The following SH3GLB2 variants were observed in gnomAD, a reference collection of about 807,000 sequenced individuals.
SH3GLB2 encodes the protein SH3 domain containing GRB2 like, endophilin B2, also known as endophilin-B2.
Under a neutral mutation model 48.0 loss-of-function variants are expected in SH3GLB2, and 24 were observed. The observed-to-expected ratio is 0.50, with a 90% CI of 0.36 to 0.70. The LOEUF (loss-of-function observed/expected upper bound fraction) is 0.70, where lower values mean the gene tolerates loss of function less well. SH3GLB2 is among the 30% of genes least tolerant of loss of function. SH3GLB2 has a pLI of 0.00. For missense variants in SH3GLB2, 425 were observed against 516.0 expected, an observed-to-expected ratio of 0.82 and a Z score of 1.71; for synonymous variants, 227 against 207.6, an observed-to-expected ratio of 1.09 and a Z score of -0.80.
Position 129,015,016 on chromosome 9 carries a change from G to A in SH3GLB2, c.335-112C>T, listed in dbSNP as rs770014489. 2.3e-4 allele frequency: 321 copies of A among 1,392,968 alleles called. 1 individual carries two copies. Among genetic ancestry groups the A allele is most frequent in the Non-Finnish European group, 3.0e-4 (307 of 1,034,448 alleles). The allele number at this position is 1,392,968 out of a possible 1,614,324, so 86.3% of individuals were successfully genotyped here. Reference sequence around the variant, plus strand: ...AAGAGCAAGGGCCGGGGTGCTCAGTGCAGAATGCTTTGCCTGGGAAAAAGC... The same window carrying A: ...AAGAGCAAGGGCCGGGGTGCTCAGTACAGAATGCTTTGCCTGGGAAAAAGC... On this transcript the variant is annotated intron_variant, in intron 3 of 10. Transcript: ENST00000372564.
chr9:129,008,783 A>G lies in SH3GLB2; in HGVS notation c.1089T>C (p.Thr363=). The stretch of plus-strand genomic sequence containing the variant: ...GGTCCATGCCAGGCAGGCTGTAGAC[A>G]GTGATGAGCTGCAGAGATGGCAGTA... ...ELALLADELI[T]VYSLPGMDPD... is the part of the protein sequence containing the mutation. Residue 363 remains threonine (T), a synonymous_variant, in exon 11 of 11, where the codon ACT becomes ACC. Transcript: ENST00000372564. 1 of 1,613,912 alleles carries G rather than the reference A, an allele frequency of 6.2e-7. No homozygotes were observed. Among genetic ancestry groups the G allele is most frequent in the South Asian group, 1.1e-5 (1 of 91,080 alleles).
In SH3GLB2 at chr9:129,008,589, T is replaced by G; in HGVS notation, c.*95A>C. The G allele has an allele frequency of 1.0e-6, 1 of 959,758 alleles. No individual in the cohort carries two copies. Among genetic ancestry groups the G allele is most frequent in the East Asian group, 2.5e-5 (1 of 39,754 alleles). The allele number at this position is 959,758 out of a possible 1,614,324, so 59.5% of individuals were successfully genotyped here. On this transcript the variant is annotated 3_prime_UTR_variant, in exon 11 of 11. Transcript: ENST00000372564. ...AGAATGGGGTGAATTCTCCCCACTC[T>G]GAACAACTGTGTCACCAACAAACAA...
chr9:129,010,598 C>G, intron 7 of SH3GLB2, 72 bp downstream of exon 7: 2 of 1,556,764 alleles, frequency 1.3e-6, no homozygotes, highest in Middle Eastern at 3.4e-4. Flanking sequence ...AGATCAGACC[C>G]CACAGCAGCA....
chr9:129,017,390 A>C (rs1243677669), intron 3 of SH3GLB2, among the ~76,000 whole-genome samples: 2 of 152,214 alleles, frequency 1.3e-5, no homozygotes, highest in Non-Finnish European at 2.9e-5. Context: ...CATCTTCTCA[A>C]GTGAACCTAG....
intron 3 of SH3GLB2, chr9:129,015,671 G>A (rs1564579890): frequency 6.2e-6 from 1 of 161,378 alleles, no homozygotes; most frequent in African/African-American, 2.4e-5. Flanking sequence ...AGTCCCAGAA[G>A]AGGAGGAGAA....
intron 5 of SH3GLB2, chr9:129,013,843 C>T (rs1212251121): frequency 8.8e-6 from 3 of 341,832 alleles, no homozygotes; most frequent in Non-Finnish European, 1.8e-5. Flanking sequence ...CACACTGTCC[C>T]AGGCTGCGTC....
At chr9:129,009,418 GC>G (rs906296534) in intron 9 of SH3GLB2, 72 bp from the exon 10 acceptor site, 4 of 1,550,258 alleles carry the variant, frequency 2.6e-6, no homozygotes, top group Non-Finnish European at 3.5e-6. Flanking sequence ...CCCCTCCCCA[GC>G]CCCAGGAGCC....
rs1842994223 is a variant in SH3GLB2, at chr9:129,009,752, A to G, written c.839+19T>C. ...GGAGCCAGGGGGCCCCAGTGGGTTC[A>G]GCAGTGCTGGCCCCGCACCTGCCCA... On this transcript the variant is annotated intron_variant, in intron 9 of 10. Coordinates refer to ENST00000372564, the MANE Select transcript of SH3GLB2 (RefSeq NM_020145.4). 1 of 1,603,240 alleles carries G rather than the reference A, an allele frequency of 6.2e-7. No individual in the cohort carries two copies. The highest frequency in any genetic ancestry group is 8.5e-7 in the Non-Finnish European group (1 of 1,174,570).
chr9:129,008,818 C>A, intron 10 of SH3GLB2, 27 bp from the exon 11 acceptor site: 1 of 1,602,824 alleles, frequency 6.2e-7, no homozygotes, highest in South Asian at 1.1e-5. Context: ...AGAGGACGGT[C>A]ATGGCCTGGC....
chr9:129,021,973 A>C (rs1244398086), intron 2 of SH3GLB2, among the ~76,000 whole-genome samples: 1 of 151,808 alleles, frequency 6.6e-6, no homozygotes, highest in African/African-American at 2.4e-5. Flanking sequence ...AAAAAAAAAA[A>C]AAAACCAACA....
rs1242190708 is a variant in SH3GLB2, at chr9:129,016,341, TTAA to T, written c.335-1440_335-1438del. Among the ~76,000 whole-genome samples the T allele has an allele frequency of 3.9e-3, 434 of 111,080 alleles. 36 individuals are homozygous for T. Among genetic ancestry groups the T allele is most frequent in the African/African-American group, 0.014 (376 of 27,282 alleles). The allele number at this position is 111,080 out of a possible 152,430, so 72.9% of individuals were successfully genotyped here. ...CTGGGCAACAAGAGCAAGACTGTCT[TTAA>T]AAAAAAAAAAAAAAAAAAAAAAAAA... is the stretch of plus-strand genomic sequence containing the variant. On this transcript the variant is annotated intron_variant, in intron 3 of 10. Transcript: ENST00000372564.
chr9:129,019,108 C>G (rs1843625274), intron 3 of SH3GLB2, among the ~76,000 whole-genome samples: 1 of 149,820 alleles, frequency 6.7e-6, no homozygotes, highest in South Asian at 2.1e-4. Context: ...GACTGTGGGC[C>G]GGGCACGGTG....
Position 129,021,116 on chromosome 9 carries a change from A to T in SH3GLB2, c.309T>A (p.Ser103Arg). Residue 103 changes from serine to arginine, a missense_variant, in exon 3 of 11, where the codon AGT (serine) becomes AGA (arginine). Transcript: ENST00000372564. ...LLAQYMADAA[S>R]ELGPTTPYGK... ...CATAGGGGGTGGTCGGCCCCAGCTC[A>T]CTGGCCGCGTCTGCCATGTACTGAG... 1 of 1,611,132 alleles carries T rather than the reference A, an allele frequency of 6.2e-7. No homozygotes were observed. The highest frequency in any genetic ancestry group is 1.1e-5 in the South Asian group (1 of 90,860).
chr9:129,010,265 A>C, intron 7 of SH3GLB2, 56 bp from the exon 8 acceptor site: 2 of 1,484,892 alleles, frequency 1.3e-6, no homozygotes, highest in Non-Finnish European at 1.9e-6. Flanking sequence ...GCTTCCCCGC[A>C]GTCTTCTCCT....
Position 129,012,995 on chromosome 9 carries a change from C to T in SH3GLB2, c.562-697G>A, listed in dbSNP as rs1020418473. ...ACCGGAAGCAGCACAGCGCGTGGGACAGGTATACTCACATCTCCCTCACAC... is the reference window on the plus strand; with the variant it reads ...ACCGGAAGCAGCACAGCGCGTGGGATAGGTATACTCACATCTCCCTCACAC... On this transcript the variant is annotated intron_variant, in intron 5 of 10. Coordinates refer to ENST00000372564, the MANE Select transcript of SH3GLB2 (RefSeq NM_020145.4). 1.1e-5 allele frequency: 17 copies of T among 1,550,972 alleles called. No individual in the cohort carries two copies. The African/African-American group carries it at 1.4e-4, about 12-fold the overall frequency.
chr9:129,017,391 G>GTGAA (rs1843493422), intron 3 of SH3GLB2, among the ~76,000 whole-genome samples: 1 of 152,140 alleles, frequency 6.6e-6, no homozygotes, highest in South Asian at 2.1e-4. Flanking sequence ...ATCTTCTCAA[G>GTGAA]TGAACCTAGG....
chr9:129,017,945 C>G (rs1445861398), intron 3 of SH3GLB2, among the ~76,000 whole-genome samples: 1 of 145,100 alleles, frequency 6.9e-6, no homozygotes, highest in Admixed American at 7.0e-5. Context: ...ATTATAGGTG[C>G]GTGATGGTGC....
rs547565695 is a variant in SH3GLB2, at chr9:129,026,033, C to T, written c.63+2059G>A. Among the ~76,000 whole-genome samples the T allele has an allele frequency of 9.2e-5, 14 of 152,340 alleles. 1 individual carries two copies. The South Asian group carries it at 2.9e-3, about 32-fold the overall frequency. On this transcript the variant is annotated intron_variant, in intron 1 of 10. Transcript: ENST00000372564. ...CTTGTCCAAATCTGCCTTAGGTTTT[C>T]TTGCCTCGGTGCCCTTATCTGGGCT...
intron 7 of SH3GLB2, 34 bp from the exon 8 acceptor site, chr9:129,010,243 C>T: frequency 6.4e-7 from 1 of 1,572,158 alleles, no homozygotes; most frequent in Non-Finnish European, 8.7e-7. Context: ...AGCACCCACA[C>T]ACCACCCACC....
Sources: gnomAD v4.1 joint callset for allele counts (sites outside exome capture counted in the v4.1 genomes callset) on GRCh38, gnomAD v4.1.1 for gene constraint, MANE v1.5 for transcripts, NCBI Gene and HGNC (gene_info 2026-07-23, HGNC 2026-07-21) for gene names.